The following RAP1GAP2 variants were observed in gnomAD, a reference collection of about 807,000 sequenced individuals.
RAP1GAP2 encodes rap1 GTPase-activating protein 2.
In RAP1GAP2, 27 loss-of-function variants were observed where a neutral mutation model predicts 95.0. That is an observed-to-expected ratio of 0.28 (90% confidence interval 0.21 to 0.39). The LOEUF (loss-of-function observed/expected upper bound fraction) is 0.39, where lower values mean the gene tolerates loss of function less well. RAP1GAP2 is among the 10% of genes least tolerant of loss of function. The pLI is 1.00. For missense variants in RAP1GAP2, 771 were observed against 970.0 expected (o/e 0.79, Z 2.72); for synonymous variants, 373 against 380.9 (o/e 0.98, Z 0.24).
At chr17:2,980,813 G>T (rs77614722) in intron 9 of RAP1GAP2, among the ~76,000 whole-genome samples, 1,618 of 152,282 alleles carry the variant, frequency 0.011, 32 homozygotes, top group African/African-American at 0.037. Context: ...CTGCGAACCT[G>T]AGAACTGAGT....
At chr17:3,015,822 GA>G (rs11309614) in intron 17 of RAP1GAP2, among the ~76,000 whole-genome samples, 102,028 of 149,112 alleles carry the variant, frequency 0.68, 34,876 homozygotes, top group Admixed American at 0.7. Flanking sequence ...CTCTGTCTCA[GA>G]AAAAAAAAAA....
In RAP1GAP2 at chr17:2,866,120, GGT is replaced by G. The variant is rs1195725630; in HGVS notation, c.81-39162_81-39161del. ...CGCCCAAGGAAGGCTGCCTGGAGTTGGTGGCATTTGAAGTGGGCCTCGGGGAC... is the reference window on the plus strand; with the variant it reads ...CGCCCAAGGAAGGCTGCCTGGAGTTGGGCATTTGAAGTGGGCCTCGGGGAC... On this transcript the variant is annotated intron_variant, in intron 2 of 24. Coordinates refer to ENST00000254695, the MANE Select transcript of RAP1GAP2 (RefSeq NM_015085.5). The surrounding 1 kb of genome is among the most constrained non-coding windows in gnomAD (Gnocchi z 4.0). Among the ~76,000 whole-genome samples the G allele has an allele frequency of 1.3e-5, 2 of 152,246 alleles. No homozygotes were observed. The highest frequency in any genetic ancestry group is 2.1e-4 in the South Asian group (1 of 4,838).
intron 10 of RAP1GAP2, among the ~76,000 whole-genome samples, chr17:2,981,584 G>A (rs1461328877): frequency 6.6e-6 from 1 of 152,130 alleles, no homozygotes; most frequent in Non-Finnish European, 1.5e-5. Flanking sequence ...GCTGGGGGCT[G>A]GTGCAGATCC....
At position 2,904,390 on chromosome 17, in the gene RAP1GAP2, G is replaced by C. The variant is rs1044750850; in HGVS notation, c.81-894G>C. 2.6e-5 allele frequency among the ~76,000 whole-genome samples: 4 copies of C among 152,128 alleles called. No homozygotes were observed. Among genetic ancestry groups the C allele is most frequent in the Admixed American group, 6.5e-5 (1 of 15,272 alleles). ...GGGAGTGTGTGAGCGCGGCAAACTT[G>C]TCGCAGTCATGTTGCCATGGTGACA... On this transcript the variant is annotated intron_variant, in intron 2 of 24. Coordinates refer to ENST00000254695, the MANE Select transcript of RAP1GAP2 (RefSeq NM_015085.5). The surrounding 1 kb of genome is among the most constrained non-coding windows in gnomAD (Gnocchi z 4.7).
At position 3,033,906 on chromosome 17, in the gene RAP1GAP2, C is replaced by T. The variant is rs938033790; in HGVS notation, c.*545C>T. The T allele has an allele frequency of 2.0e-5, 3 of 152,334 alleles. No homozygotes were observed. The highest frequency in any genetic ancestry group is 2.9e-5 in the Non-Finnish European group (2 of 68,128). The allele number at this position is 152,334 out of a possible 1,614,324, so 9.4% of individuals were successfully genotyped here. A position where few individuals can be genotyped will look rare whatever the true frequency, so the allele number is the denominator to read the frequency against. ...TCCTTGAGGCCATCCTGATAAAATT[C>T]GGCGCTATTGCCCCCGTAGCTCTGG... is the stretch of plus-strand genomic sequence containing the variant. On this transcript the variant is annotated 3_prime_UTR_variant, in exon 25 of 25. Coordinates refer to ENST00000254695, the MANE Select transcript of RAP1GAP2 (RefSeq NM_015085.5). This position sits in a 1 kb window ranked among gnomAD's most constrained non-coding sequence, Gnocchi z 4.9.
At chr17:2,836,067 G>A (rs557602872) in intron 2 of RAP1GAP2, among the ~76,000 whole-genome samples, 7 of 152,224 alleles carry the variant, frequency 4.6e-5, no homozygotes, top group African/African-American at 1.7e-4. Context: ...GTGTTAGGAG[G>A]TAGGTCCAGG....
chr17:2,824,611 A>G (rs1239796754), intron 2 of RAP1GAP2, among the ~76,000 whole-genome samples: 3 of 150,774 alleles, frequency 2.0e-5, no homozygotes, highest in Non-Finnish European at 4.4e-5. Flanking sequence ...ATGGTGGTGC[A>G]TGCCTGTAAT....
chr17:2,878,321 A>ACC (rs965697357), intron 2 of RAP1GAP2, among the ~76,000 whole-genome samples: 1 of 151,018 alleles, frequency 6.6e-6, no homozygotes, highest in Non-Finnish European at 1.5e-5. Context: ...TGCCTGTGAG[A>ACC]CCCCCCCGGG....
At chr17:2,782,020 C>T (rs2068674330) in intron 1 of RAP1GAP2, among the ~76,000 whole-genome samples, 1 of 152,222 alleles carries the variant, frequency 6.6e-6, no homozygotes, top group Non-Finnish European at 1.5e-5. Context: ...GATATGTGTG[C>T]CAGCCACCTA....
intron 3 of RAP1GAP2, among the ~76,000 whole-genome samples, chr17:2,939,833 C>G (rs1324418802): frequency 6.6e-6 from 1 of 152,268 alleles, no homozygotes; most frequent in Non-Finnish European, 1.5e-5. Flanking sequence ...TCCATCAGCC[C>G]TGGGTTCCCC....
At chr17:2,956,971 A>G (rs909448440) in intron 3 of RAP1GAP2, among the ~76,000 whole-genome samples, 1 of 152,088 alleles carries the variant, frequency 6.6e-6, no homozygotes, top group African/African-American at 2.4e-5. Flanking sequence ...TACTAAAAAT[A>G]CAAAAAATTA....
chr17:2,774,678 G>GC (rs113793177), upstream of RAP1GAP2, among the ~76,000 whole-genome samples: 2,469 of 151,250 alleles, frequency 0.016, 51 homozygotes, highest in African/African-American at 0.056. Flanking sequence ...CACCATGTTG[G>GC]CAGGCTGGTC....
intron 2 of RAP1GAP2, among the ~76,000 whole-genome samples, chr17:2,868,627 C>T (rs1270429979): frequency 1.3e-5 from 2 of 151,032 alleles, no homozygotes; most frequent in African/African-American, 2.4e-5. Context: ...AAGCTATTCT[C>T]TTGCCTCAGC....
chr17:2,877,606 C>T (rs1039833581), intron 2 of RAP1GAP2, among the ~76,000 whole-genome samples: 1 of 152,150 alleles, frequency 6.6e-6, no homozygotes, highest in Non-Finnish European at 1.5e-5. Flanking sequence ...AAAAAATTAA[C>T]TGGGTATGGT....
At chr17:3,007,573 G>A (rs574729447) in intron 16 of RAP1GAP2, among the ~76,000 whole-genome samples, 3 of 152,308 alleles carry the variant, frequency 2.0e-5, no homozygotes, top group South Asian at 2.1e-4. Flanking sequence ...TTGTGCCTGC[G>A]AAGGCCGGGT....
rs1847193592 is a variant in RAP1GAP2, at chr17:3,003,691, G to A, written c.1201-1678G>A. Among the ~76,000 whole-genome samples, 1 of 152,104 alleles carries A rather than the reference G, an allele frequency of 6.6e-6. No individual in the cohort carries two copies. Among genetic ancestry groups the A allele is most frequent in the African/African-American group, 2.4e-5 (1 of 41,412 alleles). On this transcript the variant is annotated intron_variant, in intron 14 of 24. Coordinates refer to ENST00000254695, the MANE Select transcript of RAP1GAP2 (RefSeq NM_015085.5). This position sits in a 1 kb window ranked among gnomAD's most constrained non-coding sequence, Gnocchi z 4.1. ...CCTCTCTCCCTCCCTCCAAGCCCTCGCTGGAGGCCCTCGCTGCATTTAGAA... is the reference window on the plus strand; with the variant it reads ...CCTCTCTCCCTCCCTCCAAGCCCTCACTGGAGGCCCTCGCTGCATTTAGAA...
chr17:2,991,443 C>T (rs931166155), intron 12 of RAP1GAP2, 46 bp downstream of exon 12: 1 of 1,453,158 alleles, frequency 6.9e-7, no homozygotes, highest in South Asian at 1.2e-5. Context: ...AACAAGGGCA[C>T]TAGAGGAAGG....
chr17:2,796,519 G>T lies in RAP1GAP2; in HGVS notation c.-9G>T. On this transcript the variant is annotated 5_prime_UTR_variant, in exon 1 of 25. Transcript: ENST00000254695. This position sits in a 1 kb window ranked among gnomAD's most constrained non-coding sequence, Gnocchi z 4.7. ...CATCGCTGGGACCCCGGGCTCTGCA[G>T]CCACAACCATGTTTGGCCGGAAGCG... The T allele has an allele frequency of 6.4e-7, 1 of 1,559,184 alleles. No individual in the cohort carries two copies. The highest frequency in any genetic ancestry group is 8.7e-7 in the Non-Finnish European group (1 of 1,151,416).
chr17:2,828,212 A>ACGGG (rs2070667575), intron 2 of RAP1GAP2, among the ~76,000 whole-genome samples: 1 of 151,968 alleles, frequency 6.6e-6, no homozygotes, highest in Non-Finnish European at 1.5e-5. Context: ...GTGGTGGTGC[A>ACGGG]CGCCTGTAAT....
Sources: gnomAD v4.1 joint callset for allele counts (sites outside exome capture counted in the v4.1 genomes callset) on GRCh38, gnomAD v4.1.1 for gene constraint, Gnocchi (gnomAD v3.1) non-coding constraint, MANE v1.5 for transcripts, NCBI Gene and HGNC (gene_info 2026-07-23, HGNC 2026-07-21) for gene names.